MAF: variants seen among roughly 807,000 people sequenced by gnomAD.
The protein encoded by MAF is MAF bZIP transcription factor.
Under a neutral mutation model 22.0 loss-of-function variants are expected in MAF, and 10 were observed. The observed-to-expected ratio is 0.45, with a 90% CI of 0.28 to 0.77. The LOEUF (loss-of-function observed/expected upper bound fraction) is 0.77, where lower values mean the gene tolerates loss of function less well. MAF is among the 30% of genes least tolerant of loss of function. MAF has a pLI of 0.12. For missense variants in MAF, 544 were observed against 548.4 expected, an observed-to-expected ratio of 0.99 and a Z score of 0.08; for synonymous variants, 337 against 255.8, an observed-to-expected ratio of 1.32 and a Z score of -3.03.
At chr16:79,432,205 G>A in the MAF span, among the ~76,000 whole-genome samples, 3 of 152,128 alleles carry the variant, frequency 2.0e-5, no homozygotes, top group Non-Finnish European at 4.4e-5. Context: ...CATTTCCCCT[G>A]CTGGCACTCA....
At chr16:79,408,869 T>G in the MAF span, among the ~76,000 whole-genome samples, 1 of 152,122 alleles carries the variant, frequency 6.6e-6, no homozygotes, top group African/African-American at 2.4e-5. Context: ...GGGGGTCATA[T>G]AAGAAGCACT....
the MAF span, among the ~76,000 whole-genome samples, chr16:79,420,299 C>T: frequency 7.9e-5 from 12 of 152,120 alleles, no homozygotes; most frequent in East Asian, 1.9e-4. Context: ...ACGAGGCCAA[C>T]GTGGGACAGG....
chr16:79,557,714 C>G, the MAF span, among the ~76,000 whole-genome samples: 14 of 151,940 alleles, frequency 9.2e-5, no homozygotes, highest in African/African-American at 3.4e-4. Context: ...ATTCCAAAGA[C>G]AAAGTTCATG....
the MAF span, among the ~76,000 whole-genome samples, chr16:79,435,701 C>A: frequency 6.6e-6 from 1 of 152,288 alleles, no homozygotes; most frequent in East Asian, 1.9e-4. Flanking sequence ...GTCCCTACAC[C>A]AGGAGTTGAT....
the MAF span, among the ~76,000 whole-genome samples, chr16:79,301,225 G>C: frequency 1.3e-5 from 2 of 152,132 alleles, no homozygotes; most frequent in Non-Finnish European, 2.9e-5. Context: ...CCACAGTCCT[G>C]GGGAGGACGG....
At chr16:79,560,122 G>C in the MAF span, among the ~76,000 whole-genome samples, 1 of 151,960 alleles carries the variant, frequency 6.6e-6, no homozygotes, top group African/African-American at 2.4e-5. Context: ...CTTTGCCCAG[G>C]CTGATCTTGA....
chr16:79,427,816 G>T, the MAF span, among the ~76,000 whole-genome samples: 3 of 152,112 alleles, frequency 2.0e-5, no homozygotes, highest in Admixed American at 6.5e-5. Flanking sequence ...ATTAGACCAT[G>T]CACGGCCTCC....
chr16:79,337,679 G>A, the MAF span, among the ~76,000 whole-genome samples: 1 of 152,312 alleles, frequency 6.6e-6, no homozygotes, highest in African/African-American at 2.4e-5. Context: ...AGGGGTGAAA[G>A]CAGCAGGTGC....
At chr16:79,422,534 C>T in the MAF span, among the ~76,000 whole-genome samples, 1 of 152,130 alleles carries the variant, frequency 6.6e-6, no homozygotes, top group East Asian at 1.9e-4. Context: ...TTCTCTTCAT[C>T]TTTAAATTGA....
the MAF span, among the ~76,000 whole-genome samples, chr16:79,231,372 A>G: frequency 6.6e-6 from 1 of 152,128 alleles, no homozygotes; most frequent in East Asian, 1.9e-4. Context: ...AATTAACATC[A>G]GATATAAACC....
chr16:79,393,561 C>A, the MAF span, among the ~76,000 whole-genome samples: 2 of 152,186 alleles, frequency 1.3e-5, no homozygotes, highest in African/African-American at 4.8e-5. Flanking sequence ...CAGTGCTGGG[C>A]CTCCTCACTC....
chr16:79,260,463 C>CTATATCTATATCTA, the MAF span, among the ~76,000 whole-genome samples: 6 of 145,332 alleles, frequency 4.1e-5, no homozygotes, highest in Middle Eastern at 3.3e-3. Flanking sequence ...ATGTATCTAT[C>CTATATCTATATCTA]TATCTATATC....
At chr16:79,385,910 A>C in the MAF span, among the ~76,000 whole-genome samples, 4 of 152,188 alleles carry the variant, frequency 2.6e-5, no homozygotes, top group Admixed American at 1.3e-4. Context: ...GTAACGAAAA[A>C]CAAACAAAAA....
chr16:79,379,217 A>G, the MAF span, among the ~76,000 whole-genome samples: 42 of 152,158 alleles, frequency 2.8e-4, no homozygotes, highest in Non-Finnish European at 5.4e-4. Context: ...GTCAACCCTA[A>G]TAGATTGGTT....
the MAF span, among the ~76,000 whole-genome samples, chr16:79,413,332 T>A: frequency 7.2e-6 from 1 of 138,340 alleles, no homozygotes; most frequent in African/African-American, 2.7e-5. Flanking sequence ...AAGCTCCGCC[T>A]CCCGGGTTCA....
At chr16:79,372,786 C>G in the MAF span, among the ~76,000 whole-genome samples, 1 of 152,198 alleles carries the variant, frequency 6.6e-6, no homozygotes, top group African/African-American at 2.4e-5. Context: ...TCCAACCTCC[C>G]CCACTGGCTT....
At chr16:79,398,131 T>A in the MAF span, among the ~76,000 whole-genome samples, 1 of 152,164 alleles carries the variant, frequency 6.6e-6, no homozygotes, top group Non-Finnish European at 1.5e-5. Context: ...CCTGCATTCC[T>A]TGGCTTGTGG....
At chr16:79,440,490 C>T in the MAF span, among the ~76,000 whole-genome samples, 1 of 152,132 alleles carries the variant, frequency 6.6e-6, no homozygotes, top group Non-Finnish European at 1.5e-5. Context: ...GGCTGCAGTG[C>T]AGTGGTGCAA....
At chr16:79,437,138 C>CTGTG in the MAF span, among the ~76,000 whole-genome samples, 3 of 21,716 alleles carry the variant, frequency 1.4e-4, no homozygotes, top group East Asian at 4.0e-3. Context: ...AGAAAGCTCT[C>CTGTG]TCTCTCTCTG....
Sources: allele counts gnomAD v4.1 joint callset (sites outside exome capture counted in the v4.1 genomes callset), GRCh38; gene constraint gnomAD v4.1.1; transcripts MANE v1.5; gene names NCBI Gene and HGNC (gene_info 2026-07-23, HGNC 2026-07-21).